The following SOX5 variants were observed in gnomAD, a reference collection of about 807,000 sequenced individuals.
SOX5 encodes the protein SRY-box transcription factor 5.
SOX5 carries 9 observed loss-of-function variants against 92.0 expected under a neutral mutation model. The observed-to-expected ratio is 0.10, with a 90% CI of 0.06 to 0.17. The LOEUF (loss-of-function observed/expected upper bound fraction) is 0.17, where lower values mean the gene tolerates loss of function less well. Ranked by LOEUF, SOX5 falls within the 10% of genes least tolerant of loss-of-function variation. SOX5 has a pLI of 1.00. For synonymous variants in SOX5, 344 were observed against 336.3 expected, an observed-to-expected ratio of 1.02 and a Z score of -0.25; for missense variants, 642 against 944.5, an observed-to-expected ratio of 0.68 and a Z score of 4.20.
At chr12:24,102,052 G>T (rs998791414) in intron 4 of SOX5, among the ~76,000 whole-genome samples, 1 of 152,108 alleles carries the variant, frequency 6.6e-6, no homozygotes, top group Non-Finnish European at 1.5e-5. Flanking sequence ...AAACAATGAG[G>T]TTCCAAATCT....
At chr12:24,397,851 A>C (rs1339641952) in intron 1 of SOX5, among the ~76,000 whole-genome samples, 2 of 151,302 alleles carry the variant, frequency 1.3e-5, no homozygotes, top group African/African-American at 2.4e-5. Flanking sequence ...TATTTAATTT[A>C]TTTATTTATT....
At chr12:23,634,570 C>T (rs963316274) in intron 8 of SOX5, among the ~76,000 whole-genome samples, 3 of 152,098 alleles carry the variant, frequency 2.0e-5, no homozygotes, top group African/African-American at 7.2e-5. Context: ...CCGGAATAGA[C>T]TGAGTAGGTG....
chr12:24,163,799 G>GTC lies in SOX5; in HGVS notation c.-2+49542_-2+49543dup, dbSNP rs921868437. ...TCTGCTTTAAAAAGTATATGTATGG[G>GTC]TCTCTCTCTCTCTTTCTCTCTGTCT... On this transcript the variant is annotated intron_variant, in intron 4 of 4. Coordinates refer to the SOX5 transcript ENST00000446891. Among the ~76,000 whole-genome samples, 7 of 151,616 alleles carry GTC rather than the reference G, an allele frequency of 4.6e-5. No homozygotes were observed. In the South Asian group the frequency reaches 6.3e-4, roughly 14 times the overall value.
rs372413643 is a variant in SOX5 at position 23,810,233 on chromosome 12, C to T, written c.481+35750G>A. Among the ~76,000 whole-genome samples the T allele has an allele frequency of 6.6e-5, 10 of 152,166 alleles. No homozygotes were observed. In the East Asian group the frequency reaches 7.7e-4, roughly 12 times the overall value. On this transcript the variant is annotated intron_variant, in intron 3 of 14. Transcript: ENST00000451604. The stretch of plus-strand genomic sequence containing the variant: ...GTACACCAAAAAGTTATGTAACACA[C>T]GACAGAATATAGATAAGTGTGGCAT...
chr12:24,424,186 G>A lies in SOX5; in HGVS notation c.-250-55547C>T, dbSNP rs12296882. The stretch of plus-strand genomic sequence containing the variant: ...AAGGATCTTCAGTCTGAGAATTGAC[G>A]GCACAGCTTTAAGAATAGATAAAGG... On this transcript the variant is annotated intron_variant, in intron 1 of 4. Transcript: ENST00000446891. 8.2e-3 allele frequency among the ~76,000 whole-genome samples: 1,252 copies of A among 152,152 alleles called. 21 individuals are homozygous for A. The highest frequency in any genetic ancestry group is 0.028 in the African/African-American group (1,167 of 41,506).
chr12:24,254,951 G>A (rs544866538), intron 3 of SOX5, among the ~76,000 whole-genome samples: 1 of 152,000 alleles, frequency 6.6e-6, no homozygotes, highest in South Asian at 2.1e-4. Context: ...AAACAGAAGA[G>A]GAGATCACAG....
chr12:23,701,184 TA>T (rs1174234618), intron 6 of SOX5, among the ~76,000 whole-genome samples: 2 of 152,022 alleles, frequency 1.3e-5, no homozygotes, highest in Non-Finnish European at 2.9e-5. Flanking sequence ...AATTTTATTT[TA>T]TTTTGGTTTA....
intron 1 of SOX5, among the ~76,000 whole-genome samples, chr12:24,375,313 TTC>T (rs1957147928): frequency 2.0e-5 from 3 of 152,020 alleles, no homozygotes; most frequent in Admixed American, 6.6e-5. Context: ...AGGCCCCTCC[TTC>T]ACTCCATCCT....
At chr12:23,881,303 A>T (rs1453499769) in intron 2 of SOX5, among the ~76,000 whole-genome samples, 2 of 151,970 alleles carry the variant, frequency 1.3e-5, no homozygotes, top group Admixed American at 6.6e-5. Context: ...TCACATGTAA[A>T]TCTCTCTATC....
At chr12:23,712,726 A>C (rs1252299963) in intron 6 of SOX5, among the ~76,000 whole-genome samples, 1 of 152,218 alleles carries the variant, frequency 6.6e-6, no homozygotes, top group East Asian at 1.9e-4. Context: ...TTTATAAACC[A>C]CAGCTACACT....
In SOX5 at chr12:23,846,603, T is replaced by C. The variant is rs576538166; in HGVS notation, c.271-410A>G. On this transcript the variant is annotated intron_variant, in intron 2 of 14. Transcript: ENST00000451604. ...ATTTTCTTATGGGTATTAAATGTAGTGATCATTTGTGTTAAACTTCCTGAC... is the reference window on the plus strand; with the variant it reads ...ATTTTCTTATGGGTATTAAATGTAGCGATCATTTGTGTTAAACTTCCTGAC... Among the ~76,000 whole-genome samples, 215 of 152,334 alleles carry C rather than the reference T, an allele frequency of 1.4e-3. 1 individual carries two copies. Among genetic ancestry groups the C allele is most frequent in the African/African-American group, 4.9e-3 (203 of 41,592 alleles).
At chr12:24,540,759 TGAAAACAACATTAATATG>T (rs1256416410) in intron 1 of SOX5, among the ~76,000 whole-genome samples, 3 of 152,202 alleles carry the variant, frequency 2.0e-5, no homozygotes, top group African/African-American at 7.2e-5. Flanking sequence ...GTGACAATTT[TGAAAACAACATTAATATG>T]AATGCATAAA....
chr12:24,072,763 A>G (rs1205925566), intron 4 of SOX5, among the ~76,000 whole-genome samples: 2 of 152,252 alleles, frequency 1.3e-5, no homozygotes, highest in Non-Finnish European at 2.9e-5. Flanking sequence ...CACATGCCTT[A>G]AAAATTAGCT....
At chr12:24,391,138 C>A (rs1449859050) in intron 1 of SOX5, among the ~76,000 whole-genome samples, 1 of 152,098 alleles carries the variant, frequency 6.6e-6, no homozygotes. Context: ...GAGATGGTAT[C>A]TCACTGTGGT....
At chr12:23,872,577 A>G (rs1446641579) in intron 2 of SOX5, among the ~76,000 whole-genome samples, 1 of 151,992 alleles carries the variant, frequency 6.6e-6, no homozygotes, top group Non-Finnish European at 1.5e-5. Context: ...GTAAAAATAT[A>G]AAAAACTAGT....
At chr12:24,382,233 C>A (rs545484212) in intron 1 of SOX5, among the ~76,000 whole-genome samples, 1 of 152,164 alleles carries the variant, frequency 6.6e-6, no homozygotes, top group Admixed American at 6.5e-5. Context: ...CCGTAAGAAG[C>A]TGCCATTTGA....
intron 1 of SOX5, among the ~76,000 whole-genome samples, chr12:23,907,813 T>C (rs2097309708): frequency 6.6e-6 from 1 of 152,148 alleles, no homozygotes; most frequent in African/African-American, 2.4e-5. Flanking sequence ...GCATCCTCTA[T>C]AAAAAAATCA....
At chr12:23,594,225 A>G (rs1452002613) in intron 9 of SOX5, among the ~76,000 whole-genome samples, 1 of 151,760 alleles carries the variant, frequency 6.6e-6, no homozygotes, top group Non-Finnish European at 1.5e-5. Context: ...AACAGGAAGT[A>G]TTCTGCGTTG....
At chr12:24,095,110 CACACACACACACACACACAGAGAG>C (rs1448455484) in intron 4 of SOX5, among the ~76,000 whole-genome samples, 12 of 102,754 alleles carry the variant, frequency 1.2e-4, no homozygotes, top group Admixed American at 7.9e-4. Flanking sequence ...CACACACACA[CACACACACACACACACACAGAGAG>C]AGAGAGAGAG....
Sources: gnomAD v4.1 joint callset for allele counts (sites outside exome capture counted in the v4.1 genomes callset) on GRCh38, gnomAD v4.1.1 for gene constraint, MANE v1.5 for transcripts, NCBI Gene and HGNC (gene_info 2026-07-23, HGNC 2026-07-21) for gene names.